Variants in KCNG3 observed in about 807,000 individuals in gnomAD.
KCNG3 encodes the protein potassium voltage-gated channel modifier subfamily G member 3.
Under a neutral mutation model 29.0 loss-of-function variants are expected in KCNG3, and 15 were observed. The observed-to-expected ratio is 0.52, with a 90% CI of 0.35 to 0.80. KCNG3 has a LOEUF of 0.80. Among genes scored for constraint, KCNG3 ranks in the 30% least tolerant of loss-of-function variants. The probability of loss-of-function intolerance (pLI) is 0.01; values close to 1 mark genes in which losing one functional copy is unlikely to be tolerated. For missense variants in KCNG3, 512 were observed against 605.7 expected (o/e 0.85, Z 1.62); for synonymous variants, 322 against 248.9 (o/e 1.29, Z -2.76).
chr2:42,439,471 C>G (rs1333855644), downstream of KCNG3, among the ~76,000 whole-genome samples: 1 of 151,604 alleles, frequency 6.6e-6, no homozygotes, highest in African/African-American at 2.4e-5. Context: ...CTATGTTGGC[C>G]AGGCTGGTTT....
At chr2:42,423,749 G>A in the KCNG3 span, among the ~76,000 whole-genome samples, 127 of 151,300 alleles carry the variant, frequency 8.4e-4, 1 homozygote, top group African/African-American at 3.0e-3. Context: ...TGAATGGGGA[G>A]TGTACCTTCC....
chr2:42,407,369 T>C, the KCNG3 span, among the ~76,000 whole-genome samples: 2 of 152,042 alleles, frequency 1.3e-5, no homozygotes, highest in Non-Finnish European at 1.5e-5. Flanking sequence ...GGCTTTACCA[T>C]GTTGCCCAGG....
chr2:42,406,735 G>A, the KCNG3 span, among the ~76,000 whole-genome samples: 1 of 151,340 alleles, frequency 6.6e-6, no homozygotes, highest in African/African-American at 2.4e-5. Context: ...GCTGAGGCAG[G>A]AGAATTGCTT....
chr2:42,444,131 T>C lies in KCNG3; in HGVS notation c.1114A>G (p.Thr372Ala). Residue 372 changes from threonine (T) to alanine (A), a missense_variant, in exon 2 of 2, where the codon ACT becomes GCT. By Grantham distance (58) the Thr-to-Ala change is moderately conservative (BLOSUM62 0). Coordinates refer to ENST00000306078, the MANE Select transcript of KCNG3 (RefSeq NM_133329.6). The surrounding 1 kb of genome is among the most constrained non-coding windows in gnomAD (Gnocchi z 5.8). ...AACWWVIISM[T>A]TVGYGDMYPI... ...TACATATCTCCATAGCCAACTGTAGTCATAGAGATAATCACCCACCAGCAG... is the reference window on the plus strand; with the variant it reads ...TACATATCTCCATAGCCAACTGTAGCCATAGAGATAATCACCCACCAGCAG... The C allele has an allele frequency of 6.2e-7, 1 of 1,614,088 alleles. No individual in the cohort carries two copies. The highest frequency in any genetic ancestry group is 8.5e-7 in the Non-Finnish European group (1 of 1,179,986).
the KCNG3 span, among the ~76,000 whole-genome samples, chr2:42,403,598 GTCTC>G: frequency 1.4e-5 from 2 of 146,238 alleles, no homozygotes; most frequent in Non-Finnish European, 3.0e-5. Context: ...TCCTGCCTCA[GTCTC>G]TCTACGTGAC....
rs773148920 is a variant in KCNG3 at position 42,492,859 on chromosome 2, C to T, written c.643G>A (p.Gly215Ser). The change falls in exon 1 of 2, where the codon GGC becomes AGC. Residue 215 changes from glycine to serine, a missense_variant. Around this residue, in one of 5 missense-constraint regions of KCNG3, gnomAD observed 228 missense variants for 200.0 expected, o/e 1.14. Transcript: ENST00000306078. Reference sequence around the variant, plus strand: ...TACCCGGAGGGCTCCCTCCCAGGGCCGGCGGAGTACCTGCTCCGGTCATCC... The same window carrying T: ...TACCCGGAGGGCTCCCTCCCAGGGCTGGCGGAGTACCTGCTCCGGTCATCC... The part of the protein sequence containing the change: ...SLDDRSRYSA[G>S]PGREPSGIIE... 5.3e-6 allele frequency: 8 copies of T among 1,509,778 alleles called. No individual in the cohort carries two copies. The highest frequency in any genetic ancestry group is 4.5e-5 in the Admixed American group (2 of 43,980). The allele number at this position is 1,509,778 out of a possible 1,614,324, so 93.5% of individuals were successfully genotyped here.
downstream of KCNG3, among the ~76,000 whole-genome samples, chr2:42,441,492 C>A (rs2103655444): frequency 6.6e-6 from 1 of 151,944 alleles, no homozygotes; most frequent in South Asian, 2.1e-4. Context: ...AAGACAAAAC[C>A]CTAATACATA....
intron 1 of KCNG3, among the ~76,000 whole-genome samples, chr2:42,466,438 T>C (rs535822246): frequency 6.6e-6 from 1 of 152,174 alleles, no homozygotes; most frequent in Non-Finnish European, 1.5e-5. Flanking sequence ...AAAAACGAAA[T>C]ACAATACACA....
At chr2:42,416,512 G>C in the KCNG3 span, among the ~76,000 whole-genome samples, 1 of 152,110 alleles carries the variant, frequency 6.6e-6, no homozygotes, top group African/African-American at 2.4e-5. Context: ...ACCAGATTTT[G>C]AATGTGCACA....
rs1288192143 is a variant in KCNG3, at chr2:42,492,747, G to A, written c.665+90C>T. The A allele has an allele frequency of 5.7e-6, 7 of 1,237,990 alleles. No individual in the cohort carries two copies. The East Asian group carries it at 1.5e-4, about 27-fold the overall frequency. 76.7% of individuals were successfully genotyped at this position (1,237,990 alleles called of 1,614,324 possible). On this transcript the variant is annotated intron_variant, in intron 1 of 1. Coordinates refer to ENST00000306078, the MANE Select transcript of KCNG3 (RefSeq NM_133329.6). ...GCGCACCCCGCTGGCTCGGTCGCCC[G>A]GAGGCGGACAGGACGGAGACGGGAC...
chr2:42,450,393 G>T (rs144510995), intron 1 of KCNG3, among the ~76,000 whole-genome samples: 1 of 152,156 alleles, frequency 6.6e-6, no homozygotes, highest in Non-Finnish European at 1.5e-5. Flanking sequence ...CACCAAGCCT[G>T]CCAAAATTCC....
At chr2:42,449,557 A>T (rs1672697119) in intron 1 of KCNG3, among the ~76,000 whole-genome samples, 1 of 122,514 alleles carries the variant, frequency 8.2e-6, no homozygotes, top group African/African-American at 3.2e-5. Flanking sequence ...TCACTCTGTC[A>T]CCCAGGCTGG....
chr2:42,421,892 T>A, the KCNG3 span, among the ~76,000 whole-genome samples: 16 of 152,326 alleles, frequency 1.1e-4, no homozygotes, highest in East Asian at 3.1e-3. Context: ...ACCAATCCAA[T>A]ATGCGTTTTT....
chr2:42,419,076 T>C, the KCNG3 span, among the ~76,000 whole-genome samples: 1 of 152,062 alleles, frequency 6.6e-6, no homozygotes, highest in Non-Finnish European at 1.5e-5. Flanking sequence ...ATGCTACCCT[T>C]GTGTAACTGC....
At chr2:42,467,473 G>A (rs1230390984) in intron 1 of KCNG3, among the ~76,000 whole-genome samples, 1 of 152,066 alleles carries the variant, frequency 6.6e-6, no homozygotes, top group Non-Finnish European at 1.5e-5. Context: ...TGCAAGACCA[G>A]CCTGGCCAAC....
Position 42,483,170 on chromosome 2 carries a change from T to C in KCNG3, c.665+9667A>G, listed in dbSNP as rs190801705. Among the ~76,000 whole-genome samples, 8 of 152,274 alleles carry C rather than the reference T, an allele frequency of 5.3e-5. No individual in the cohort carries two copies. The East Asian group carries it at 1.5e-3, about 29-fold the overall frequency. Reference sequence around the variant, plus strand: ...CTGTTCTATTTTTTTAATTACGTTGTTTCCAGATGTTTGCTATTAAATGTG... The same window carrying C: ...CTGTTCTATTTTTTTAATTACGTTGCTTCCAGATGTTTGCTATTAAATGTG... On this transcript the variant is annotated intron_variant, in intron 1 of 1. Coordinates refer to ENST00000306078, the MANE Select transcript of KCNG3 (RefSeq NM_133329.6).
chr2:42,442,124 T>C lies in KCNG3; in HGVS notation c.*1810A>G, dbSNP rs1672499581. The C allele has an allele frequency of 6.6e-6, 1 of 152,150 alleles. No homozygotes were observed. The highest frequency in any genetic ancestry group is 6.6e-5 in the Admixed American group (1 of 15,258). The allele number at this position is 152,150 out of a possible 1,614,324, so 9.4% of individuals were successfully genotyped here. Reference sequence around the variant, plus strand: ...AAATAGTTAAGAAAAAATAAATCCATGCCATTTATTTCAATTATATTAGAA... The same window carrying C: ...AAATAGTTAAGAAAAAATAAATCCACGCCATTTATTTCAATTATATTAGAA... On this transcript the variant is annotated 3_prime_UTR_variant, in exon 2 of 2. Transcript: ENST00000306078.
the KCNG3 span, among the ~76,000 whole-genome samples, chr2:42,417,844 C>T: frequency 4.8e-3 from 734 of 151,846 alleles, 6 homozygotes; most frequent in Non-Finnish European, 8.5e-3. Context: ...TGGTGGCGTG[C>T]GCCTGTAGTC....
At chr2:42,414,270 C>A in the KCNG3 span, among the ~76,000 whole-genome samples, 92 of 152,182 alleles carry the variant, frequency 6.0e-4, 1 homozygote, top group African/African-American at 2.2e-3. Flanking sequence ...GTAGTAAGTT[C>A]TTTTGGTCCT....
Sources: allele counts gnomAD v4.1 joint callset (sites outside exome capture counted in the v4.1 genomes callset), GRCh38; gene constraint gnomAD v4.1.1; regional missense constraint gnomAD v4.1.1; non-coding constraint Gnocchi (gnomAD v3.1); transcripts MANE v1.5; gene names NCBI Gene and HGNC (gene_info 2026-07-23, HGNC 2026-07-21).